The following PARN variants were observed in gnomAD, a reference collection of about 807,000 sequenced individuals.
The protein encoded by PARN is poly(A)-specific ribonuclease.
Under a neutral mutation model 102.8 loss-of-function variants are expected in PARN, and 71 were observed. The ratio of observed to expected loss-of-function variants is 0.69; its 90% CI spans 0.57 to 0.84. The LOEUF (loss-of-function observed/expected upper bound fraction) is 0.84. Ranked by LOEUF, PARN falls within the 40% of genes least tolerant of loss-of-function variation. The pLI is 0.00. For missense variants in PARN, 782 were observed against 760.9 expected (o/e 1.03, Z -0.33); for synonymous variants, 261 against 252.9 (o/e 1.03, Z -0.30).
intron 21 of PARN, among the ~76,000 whole-genome samples, chr16:14,504,157 C>T (rs967928414): frequency 6.6e-6 from 1 of 152,266 alleles, no homozygotes; most frequent in South Asian, 2.1e-4. Context: ...TTTTAATGCA[C>T]AAGGATACGT....
At chr16:14,545,664 G>A (rs1966890251) in intron 21 of PARN, among the ~76,000 whole-genome samples, 1 of 152,190 alleles carries the variant, frequency 6.6e-6, no homozygotes, top group Non-Finnish European at 1.5e-5. Context: ...CAGAGGTCCA[G>A]ACAAAAGTAA....
chr16:14,469,397 A>G (rs1962580243), intron 22 of PARN, among the ~76,000 whole-genome samples: 1 of 152,202 alleles, frequency 6.6e-6, no homozygotes, highest in Non-Finnish European at 1.5e-5. Context: ...TGCATTTGGG[A>G]AAAAGAGGCA....
At chr16:14,505,101 T>C (rs1392349374) in intron 21 of PARN, among the ~76,000 whole-genome samples, 1 of 152,248 alleles carries the variant, frequency 6.6e-6, no homozygotes, top group Non-Finnish European at 1.5e-5. Flanking sequence ...TCAGATAAAT[T>C]ACATATCACT....
intron 23 of PARN, among the ~76,000 whole-genome samples, chr16:14,440,375 G>A (rs1487263168): frequency 1.3e-5 from 2 of 152,234 alleles, no homozygotes; most frequent in African/African-American, 2.4e-5. Context: ...AGGGCGCAGA[G>A]TGAGCTGAAG....
At chr16:14,529,948 C>T (rs1319677354) in intron 21 of PARN, among the ~76,000 whole-genome samples, 2 of 151,800 alleles carry the variant, frequency 1.3e-5, no homozygotes, top group African/African-American at 4.8e-5. Context: ...TGCAAGAGGC[C>T]TCTGAACTCT....
chr16:14,608,490 C>A (rs139834305), intron 8 of PARN, among the ~76,000 whole-genome samples, 171 bp from the exon 9 acceptor site: 417 of 152,310 alleles, frequency 2.7e-3, no homozygotes, highest in African/African-American at 8.7e-3. Context: ...TTCCTCATCA[C>A]TTGTCTTCTA....
intron 14 of PARN, among the ~76,000 whole-genome samples, chr16:14,585,148 T>C (rs1969764763): frequency 6.6e-6 from 1 of 152,224 alleles, no homozygotes; most frequent in Non-Finnish European, 1.5e-5. Flanking sequence ...CACATGGTTT[T>C]ACGTGGTTCA....
chr16:14,609,110 C>A lies in PARN; in HGVS notation c.568G>T (p.Asp190Tyr), dbSNP rs1329106234. 6.6e-7 allele frequency: 1 copy of A among 1,523,136 alleles called. No homozygotes were observed. Among genetic ancestry groups the A allele is most frequent in the Non-Finnish European group, 9.0e-7 (1 of 1,108,384 alleles). 94.4% of individuals were successfully genotyped at this position (1,523,136 alleles called of 1,614,324 possible). A position where few individuals can be genotyped will look rare whatever the true frequency, so the allele number is the denominator to read the frequency against. The change falls in exon 8 of 24, where the codon GAT (aspartate) becomes TAT (tyrosine). Residue 190 changes from aspartate to tyrosine, a missense_variant. Physicochemically the swap from Asp to Tyr is radical, Grantham distance 160 (BLOSUM62 -3). Coordinates refer to ENST00000437198, the MANE Select transcript of PARN (RefSeq NM_002582.4). Reference protein sequence around the residue: ...FIDQVVEKIEDLLQSEENKNL... With the variant: ...FIDQVVEKIEYLLQSEENKNL... Reference sequence around the variant, plus strand: ...TTGTTTTCTTCACTTTGTAATAAATCCTCTATTTTCTCTCTGAGGAATAAG... The same window carrying A: ...TTGTTTTCTTCACTTTGTAATAAATACTCTATTTTCTCTCTGAGGAATAAG...
Position 14,624,854 on chromosome 16 carries a change from C to T in PARN, c.327+2252G>A, listed in dbSNP as rs140288347. Among the ~76,000 whole-genome samples the T allele has an allele frequency of 8.5e-5, 13 of 152,178 alleles. No homozygotes were observed. In the East Asian group the frequency reaches 2.5e-3, roughly 29 times the overall value. On this transcript the variant is annotated intron_variant, in intron 5 of 23. Transcript: ENST00000437198. Reference sequence around the variant, plus strand: ...ATCACCTGAGGTCGGGATTTCAAGACCAGCCTGACCAACATGGAAAAACCC... The same window carrying T: ...ATCACCTGAGGTCGGGATTTCAAGATCAGCCTGACCAACATGGAAAAACCC...
chr16:14,555,208 C>G (rs1207997984), intron 19 of PARN, among the ~76,000 whole-genome samples: 1 of 152,020 alleles, frequency 6.6e-6, no homozygotes, highest in African/African-American at 2.4e-5. Context: ...AAAAAGCAAC[C>G]ACCTCCCATA....
At chr16:14,471,980 A>G (rs1022717586) in intron 22 of PARN, among the ~76,000 whole-genome samples, 3 of 152,180 alleles carry the variant, frequency 2.0e-5, no homozygotes, top group Non-Finnish European at 2.9e-5. Context: ...AATTGTCCAC[A>G]TCTCTTTATG....
At chr16:14,607,866 C>T (rs955864228) in intron 9 of PARN, among the ~76,000 whole-genome samples, 1 of 152,198 alleles carries the variant, frequency 6.6e-6, no homozygotes. Flanking sequence ...TGGAAAAATA[C>T]ACACACAAAA....
chr16:14,603,267 T>C (rs1970985461), intron 11 of PARN, among the ~76,000 whole-genome samples: 1 of 152,122 alleles, frequency 6.6e-6, no homozygotes, highest in Non-Finnish European at 1.5e-5. Flanking sequence ...TCCTTTTTAG[T>C]ATGTGGGACA....
intron 22 of PARN, among the ~76,000 whole-genome samples, chr16:14,458,884 A>C (rs1450594139): frequency 6.6e-6 from 1 of 152,160 alleles, no homozygotes; most frequent in Non-Finnish European, 1.5e-5. Context: ...GTGAAGAGTG[A>C]CAGTGAGGCG....
At chr16:14,627,820 CT>C (rs1972770437) in intron 3 of PARN, among the ~76,000 whole-genome samples, 1 of 152,106 alleles carries the variant, frequency 6.6e-6, no homozygotes, top group South Asian at 2.1e-4. Flanking sequence ...AGACCGATCT[CT>C]ACAAAAGAAT....
Position 14,436,766 on chromosome 16 carries a change from A to G in PARN, c.1871T>C (p.Ile624Thr). 1 of 1,590,110 alleles carries G rather than the reference A, an allele frequency of 6.3e-7. No homozygotes were observed. Among genetic ancestry groups the G allele is most frequent in the Non-Finnish European group, 8.6e-7 (1 of 1,168,056 alleles). ...GAGTGTGGCAGGGCTGTTCTTCGAG[A>G]TGCTTCCTGGTGGGAAAGAACAAAA... ...MKKELSPAGS[I>T]SKNSPATLFE... The change falls in exon 24 of 24, where the codon ATC becomes ACC. Residue 624 changes from isoleucine (I) to threonine (T), a missense_variant. Transcript: ENST00000437198.
intron 21 of PARN, among the ~76,000 whole-genome samples, chr16:14,502,692 T>C (rs1399300214): frequency 6.6e-6 from 1 of 152,244 alleles, no homozygotes; most frequent in Non-Finnish European, 1.5e-5. Flanking sequence ...CTAGCAAATA[T>C]ACGATCTAAG....
chr16:14,598,940 C>T (rs1970702611), intron 12 of PARN, among the ~76,000 whole-genome samples: 1 of 151,720 alleles, frequency 6.6e-6, no homozygotes. Context: ...TCCTAGACTA[C>T]AGGCAATTCA....
chr16:14,544,528 C>T (rs8045012), intron 21 of PARN, among the ~76,000 whole-genome samples: 26,344 of 151,946 alleles, frequency 0.17, 2,641 homozygotes, highest in Middle Eastern at 0.28. Flanking sequence ...TAAGCTGAGA[C>T]CGCACCACTG....
Sources: allele counts gnomAD v4.1 joint callset (sites outside exome capture counted in the v4.1 genomes callset), GRCh38; gene constraint gnomAD v4.1.1; transcripts MANE v1.5; gene names NCBI Gene and HGNC (gene_info 2026-07-23, HGNC 2026-07-21).